Variants in TMEM132D observed in about 807,000 individuals in gnomAD.
The protein encoded by TMEM132D is mature OL transmembrane protein.
Under a neutral mutation model 62.3 loss-of-function variants are expected in TMEM132D, and 21 were observed. The observed-to-expected ratio is 0.34, with a 90% CI of 0.24 to 0.49. The LOEUF is 0.49. TMEM132D is among the 20% of genes least tolerant of loss of function. The probability of loss-of-function intolerance (pLI) is 0.99; values close to 1 mark genes in which losing one functional copy is unlikely to be tolerated. For synonymous variants in TMEM132D, 621 were observed against 575.6 expected, an observed-to-expected ratio of 1.08 and a Z score of -1.13; for missense variants, 1,346 against 1,402.8, an observed-to-expected ratio of 0.96 and a Z score of 0.65.
chr12:129,407,240 T>A (rs1212383090), intron 3 of TMEM132D, among the ~76,000 whole-genome samples: 1 of 152,188 alleles, frequency 6.6e-6, no homozygotes, highest in Non-Finnish European at 1.5e-5. Flanking sequence ...CCCAACTCCA[T>A]ATCGAATTAA....
intron 5 of TMEM132D, among the ~76,000 whole-genome samples, chr12:129,094,532 A>T (rs1048959434): frequency 3.3e-5 from 5 of 152,192 alleles, no homozygotes; most frequent in African/African-American, 1.2e-4. Context: ...TCAAGAAACA[A>T]CAGGTGCTGG....
chr12:129,433,116 C>T (rs1305241490), intron 3 of TMEM132D, among the ~76,000 whole-genome samples: 1 of 152,230 alleles, frequency 6.6e-6, no homozygotes, highest in East Asian at 1.9e-4. Flanking sequence ...TTCATCTTTG[C>T]TGCATACTGT....
chr12:129,789,213 T>C (rs960019675), intron 1 of TMEM132D, among the ~76,000 whole-genome samples: 3 of 152,054 alleles, frequency 2.0e-5, no homozygotes, highest in Admixed American at 2.0e-4. Context: ...TCCCTCACCC[T>C]CGTCCCACCC....
At chr12:129,708,610 TAA>T (rs147351316) in intron 1 of TMEM132D, among the ~76,000 whole-genome samples, 76 of 33,114 alleles carry the variant, frequency 2.3e-3, no homozygotes, top group African/African-American at 9.0e-3. Flanking sequence ...GAGGCTCAGG[TAA>T]AAAAAAAAAA....
chr12:129,607,708 T>A (rs1878665467), intron 2 of TMEM132D, among the ~76,000 whole-genome samples: 1 of 152,306 alleles, frequency 6.6e-6, no homozygotes, highest in Non-Finnish European at 1.5e-5. Context: ...GACTACAGGA[T>A]GAATAGATGA....
intron 3 of TMEM132D, among the ~76,000 whole-genome samples, chr12:129,420,745 A>G (rs946839120): frequency 2.6e-5 from 4 of 152,202 alleles, no homozygotes; most frequent in African/African-American, 9.7e-5. Flanking sequence ...TCTGTCTCCA[A>G]CTAAAATCAC....
At chr12:129,724,030 G>T (rs562103359) in intron 1 of TMEM132D, among the ~76,000 whole-genome samples, 6 of 152,114 alleles carry the variant, frequency 3.9e-5, no homozygotes, top group Non-Finnish European at 7.4e-5. Context: ...ATCTGGGTGG[G>T]TCCAATAACA....
intron 1 of TMEM132D, among the ~76,000 whole-genome samples, chr12:129,716,082 G>A (rs147821382): frequency 1.2e-3 from 189 of 152,310 alleles, no homozygotes; most frequent in Admixed American, 4.9e-3. Context: ...ACTTTTTCAC[G>A]TGCATCGTCC....
rs2135658300 is a variant in TMEM132D at position 129,337,775 on chromosome 12, C to T, written c.1158G>A (p.Glu386=). Residue 386 remains glutamate, a synonymous_variant, in exon 4 of 9, where the codon GAG becomes GAA. Transcript: ENST00000422113. ...CTGGCAGGTCACCAGGCTCTTCCAC[C>T]TCCACATCGATCTGCATGACCTCGT... ...ASYEVMQIDV[E]VEEPGDLPAT... The T allele has an allele frequency of 6.2e-7, 1 of 1,613,924 alleles. No individual in the cohort carries two copies. Among genetic ancestry groups the T allele is most frequent in the Non-Finnish European group, 8.5e-7 (1 of 1,179,910 alleles).
chr12:129,388,030 A>G (rs571014808), intron 3 of TMEM132D, among the ~76,000 whole-genome samples: 2 of 109,514 alleles, frequency 1.8e-5, no homozygotes, highest in Non-Finnish European at 3.9e-5. Context: ...ACCAACACCA[A>G]TCCAGCACTG....
chr12:129,385,916 A>G (rs1871094774), intron 3 of TMEM132D, among the ~76,000 whole-genome samples: 1 of 152,200 alleles, frequency 6.6e-6, no homozygotes, highest in Non-Finnish European at 1.5e-5. Flanking sequence ...AGAAAGATCA[A>G]AACCTTAGAG....
chr12:129,697,970 A>G (rs1289087465), intron 2 of TMEM132D, among the ~76,000 whole-genome samples: 1 of 152,090 alleles, frequency 6.6e-6, no homozygotes, highest in Non-Finnish European at 1.5e-5. Flanking sequence ...GCTTCAGGGG[A>G]TTGCAGTGTT....
rs150973362 is a variant in TMEM132D at position 129,118,612 on chromosome 12, C to A, written c.1444-33910G>T. On this transcript the variant is annotated intron_variant, in intron 5 of 8. Transcript: ENST00000422113. ...TTAGAGGGCACTGAATGAAACAATG[C>A]TACTTCCAATTAACATCAAAGCAAA... 1.9e-4 allele frequency among the ~76,000 whole-genome samples: 29 copies of A among 152,306 alleles called. No homozygotes were observed. The East Asian group carries it at 4.4e-3, about 23-fold the overall frequency.
At chr12:129,270,481 C>G (rs560933009) in intron 4 of TMEM132D, among the ~76,000 whole-genome samples, 1 of 152,144 alleles carries the variant, frequency 6.6e-6, no homozygotes, top group Non-Finnish European at 1.5e-5. Context: ...CACATATTTC[C>G]CCTGAAAACA....
chr12:129,466,566 A>G (rs924014544), intron 3 of TMEM132D, among the ~76,000 whole-genome samples: 18 of 151,996 alleles, frequency 1.2e-4, no homozygotes, highest in Non-Finnish European at 2.6e-4. Context: ...TGAATCCTCT[A>G]TCACCTATAA....
intron 5 of TMEM132D, among the ~76,000 whole-genome samples, chr12:129,092,907 T>C (rs4964851): frequency 0.21 from 32,174 of 152,212 alleles, 4,043 homozygotes; most frequent in South Asian, 0.29. Context: ...CCTGCCACAC[T>C]GGGCTAATCA....
Position 129,903,250 on chromosome 12 carries a change from G to T in TMEM132D, c.79+11C>A. On this transcript the variant is annotated intron_variant, in intron 1 of 8. Transcript: ENST00000422113. The surrounding 1 kb of genome is among the most constrained non-coding windows in gnomAD (Gnocchi z 6.2). Reference sequence around the variant, plus strand: ...TTAGTCCCCGGGCCCTGGCGGCCGCGGCGTCCTCACCTTTGGAAAACAGGG... The same window carrying T: ...TTAGTCCCCGGGCCCTGGCGGCCGCTGCGTCCTCACCTTTGGAAAACAGGG... The T allele has an allele frequency of 6.4e-7, 1 of 1,551,796 alleles. No individual in the cohort carries two copies. Among genetic ancestry groups the T allele is most frequent in the Non-Finnish European group, 8.7e-7 (1 of 1,147,136 alleles).
intron 5 of TMEM132D, among the ~76,000 whole-genome samples, chr12:129,149,777 C>G (rs1877019227): frequency 6.6e-6 from 1 of 152,216 alleles, no homozygotes; most frequent in Non-Finnish European, 1.5e-5. Flanking sequence ...GAGCCAACCA[C>G]AGTGGGTGGT....
At chr12:129,189,824 T>C (rs1379400667) in intron 5 of TMEM132D, among the ~76,000 whole-genome samples, 1 of 152,126 alleles carries the variant, frequency 6.6e-6, no homozygotes, top group Admixed American at 6.6e-5. Context: ...CCCTGCAGAC[T>C]GTGAATGAGT....
Sources: allele counts gnomAD v4.1 joint callset (sites outside exome capture counted in the v4.1 genomes callset), GRCh38; gene constraint gnomAD v4.1.1; non-coding constraint Gnocchi (gnomAD v3.1); transcripts MANE v1.5; gene names NCBI Gene and HGNC (gene_info 2026-07-23, HGNC 2026-07-21).